SETD1A: variants seen among roughly 807,000 people sequenced by gnomAD.
SETD1A encodes the protein SET domain containing 1A, histone lysine methyltransferase.
In SETD1A, 29 loss-of-function variants were observed where a neutral mutation model predicts 149.9. That is an observed-to-expected ratio of 0.19 (90% confidence interval 0.14 to 0.26). SETD1A has a LOEUF of 0.26. Among genes scored for constraint, SETD1A ranks in the 10% least tolerant of loss-of-function variants. The probability of loss-of-function intolerance (pLI) is 1.00; values close to 1 mark genes in which losing one functional copy is unlikely to be tolerated. For synonymous variants in SETD1A, 1,141 were observed against 968.5 expected (o/e 1.18, Z -3.31); for missense variants, 2,109 against 2,353.1 (o/e 0.90, Z 2.15).
intron 11 of SETD1A, 49 bp downstream of exon 11, chr16:30,969,511 A>G (rs1322119653): frequency 1.3e-6 from 2 of 1,599,838 alleles, no homozygotes; most frequent in East Asian, 2.3e-5. Context: ...TCCCATAGCC[A>G]GCATCTTTGT....
chr16:30,978,291 AGAT>A (rs1567361763), intron 13 of SETD1A, among the ~76,000 whole-genome samples: 1 of 150,856 alleles, frequency 6.6e-6, no homozygotes, highest in South Asian at 2.1e-4. Context: ...AAAAAAAAAA[AGAT>A]AGGAACCTCT....
chr16:30,978,942 C>T (rs555367178), intron 13 of SETD1A, among the ~76,000 whole-genome samples: 9 of 152,316 alleles, frequency 5.9e-5, no homozygotes, highest in South Asian at 4.1e-4. Context: ...CGTGTCACAG[C>T]GGGAACGAAT....
Position 30,964,985 on chromosome 16 carries a change from C to G in SETD1A, c.1243C>G (p.Pro415Ala), listed in dbSNP as rs777918058. The change falls in exon 7 of 19, where the codon CCC becomes GCC. Residue 415 changes from proline (P) to alanine (A), a missense_variant. This residue lies in a region of SETD1A where 410 missense variants were observed against 394.8 expected (regional missense o/e 1.04). Coordinates refer to ENST00000262519, the MANE Select transcript of SETD1A (RefSeq NM_014712.3). ...FPPSYTSYLP[P>A]EPSRPTDQDY... ...ACCTTCTTACACCTCCTACCTGCCCCCCGAGCCCAGCCGGCCCACCGACCA... is the reference window on the plus strand; with the variant it reads ...ACCTTCTTACACCTCCTACCTGCCCGCCGAGCCCAGCCGGCCCACCGACCA... 3 of 1,614,054 alleles carry G rather than the reference C, an allele frequency of 1.9e-6. No individual in the cohort carries two copies. Among genetic ancestry groups the G allele is most frequent in the Admixed American group, 3.3e-5 (2 of 60,028 alleles).
chr16:30,973,775 C>T (rs2056253113), intron 13 of SETD1A, among the ~76,000 whole-genome samples: 1 of 152,118 alleles, frequency 6.6e-6, no homozygotes, highest in Admixed American at 6.6e-5. Flanking sequence ...CCCTGGTGCA[C>T]TCTACTAAGC....
In SETD1A at chr16:30,979,963, A is replaced by T; in HGVS notation, c.4177A>T (p.Ser1393Cys). Reference protein sequence around the residue: ...SDGEGALRRRSLRSHARRRRP... With the variant: ...SDGEGALRRRCLRSHARRRRP... ...TGGGGAGGGCGCCCTCCGGAGGCGC[A>T]GCCTCCGCTCCCACGCCCGGCGCCG... The change falls in exon 14 of 19, where the codon AGC becomes TGC. Residue 1393 changes from serine (S) to cysteine (C), a missense_variant. This residue lies in a region of SETD1A where 832 missense variants were observed against 815.6 expected (regional missense o/e 1.02). Coordinates refer to ENST00000262519, the MANE Select transcript of SETD1A (RefSeq NM_014712.3). 1.3e-6 allele frequency: 2 copies of T among 1,529,410 alleles called. No homozygotes were observed. Among genetic ancestry groups the T allele is most frequent in the Non-Finnish European group, 1.8e-6 (2 of 1,141,812 alleles). 94.7% of individuals were successfully genotyped at this position (1,529,410 alleles called of 1,614,324 possible).
In SETD1A at chr16:30,965,339, G is replaced by A; in HGVS notation, c.1597G>A (p.Gly533Arg). The change falls in exon 7 of 19, where the codon GGG becomes AGG. Residue 533 changes from glycine to arginine, a missense_variant. Physicochemically the swap from Gly to Arg is moderately radical, Grantham distance 125. Transcript: ENST00000262519. ...AGATACAGGGAGTGAGGTGCCTTCT[G>A]GGTCAGGGCATGGGCCCTGCACACC... is the stretch of plus-strand genomic sequence containing the variant. Reference protein sequence around the residue: ...ARDTGSEVPSGSGHGPCTPPP... With the variant: ...ARDTGSEVPSRSGHGPCTPPP... 1.2e-6 allele frequency: 2 copies of A among 1,614,186 alleles called. No individual in the cohort carries two copies. Among genetic ancestry groups the A allele is most frequent in the Non-Finnish European group, 1.7e-6 (2 of 1,180,036 alleles).
chr16:30,983,382 C>T lies in SETD1A; in HGVS notation c.4813-253C>T, dbSNP rs2143604123. On this transcript the variant is annotated intron_variant, in intron 17 of 18. Coordinates refer to ENST00000262519, the MANE Select transcript of SETD1A (RefSeq NM_014712.3). This position sits in a 1 kb window ranked among gnomAD's most constrained non-coding sequence, Gnocchi z 6.8. ...GATGCTCGAAGGAGTCAGTGGCTCT[C>T]TTACCCAGTGCAGATTTCCCTGGAG... 6.6e-6 allele frequency among the ~76,000 whole-genome samples: 1 copy of T among 152,340 alleles called. No individual in the cohort carries two copies. The highest frequency in any genetic ancestry group is 3.4e-3 in the Middle Eastern group (1 of 294).
chr16:30,961,332 C>T lies in SETD1A; in HGVS notation c.312C>T (p.Asn104=), dbSNP rs1481550077. 7 of 1,613,994 alleles carry T rather than the reference C, an allele frequency of 4.3e-6. No homozygotes were observed. The highest frequency in any genetic ancestry group is 2.2e-5 in the South Asian group (2 of 91,082). ...KEVTFARLND[N]VRETFLKDMC... ...TGACTTTTGCAAGGCTGAATGACAA[C>T]GTGCGGGAGACCTTCCTGAAGGATA... The change falls in exon 4 of 19, where the codon AAC becomes AAT. Residue 104 remains asparagine, a synonymous_variant. Coordinates refer to ENST00000262519, the MANE Select transcript of SETD1A (RefSeq NM_014712.3). This position sits in a 1 kb window ranked among gnomAD's most constrained non-coding sequence, Gnocchi z 4.0.
Position 30,980,001 on chromosome 16 carries a change from C to G in SETD1A, c.4215C>G (p.Pro1405=), listed in dbSNP as rs555238010. Residue 1405 remains proline (P), a synonymous_variant, in exon 14 of 19, where the codon CCC becomes CCG. Coordinates refer to ENST00000262519, the MANE Select transcript of SETD1A (RefSeq NM_014712.3). The surrounding 1 kb of genome is among the most constrained non-coding windows in gnomAD (Gnocchi z 7.7). ...RSHARRRRPP[P]PPPPPPPRAY... Reference sequence around the variant, plus strand: ...ACGCCCGGCGCCGCCGCCCTCCGCCCCCACCCCCGCCGCCACCGCCCCGCG... The same window carrying G: ...ACGCCCGGCGCCGCCGCCCTCCGCCGCCACCCCCGCCGCCACCGCCCCGCG... 1.3e-6 allele frequency: 2 copies of G among 1,482,102 alleles called. No individual in the cohort carries two copies. Among genetic ancestry groups the G allele is most frequent in the South Asian group, 1.3e-5 (1 of 76,870 alleles). 91.8% of individuals were successfully genotyped at this position (1,482,102 alleles called of 1,614,324 possible). A position where few individuals can be genotyped will look rare whatever the true frequency, so the allele number is the denominator to read the frequency against.
In SETD1A at chr16:30,980,082, C is replaced by T; in HGVS notation, c.4296C>T (p.Asn1432=). 1 of 1,598,642 alleles carries T rather than the reference C, an allele frequency of 6.3e-7. No homozygotes were observed. Among genetic ancestry groups the T allele is most frequent in the Non-Finnish European group, 8.5e-7 (1 of 1,170,566 alleles). The change falls in exon 14 of 19, where the codon AAC becomes AAT. Residue 1432 remains asparagine, a synonymous_variant. Coordinates refer to ENST00000262519, the MANE Select transcript of SETD1A (RefSeq NM_014712.3). The surrounding 1 kb of genome is among the most constrained non-coding windows in gnomAD (Gnocchi z 7.7). ...TGACCATCCTGTATGACATTTGGAA[C>T]TCGGGCCTGGACTCAGAGGACATGA... ...EQMTILYDIW[N]SGLDSEDMSY...
At position 30,981,050 on chromosome 16, in the gene SETD1A, C is replaced by T. The variant is rs761500321; in HGVS notation, c.4693-11C>T. 8 of 1,613,834 alleles carry T rather than the reference C, an allele frequency of 5.0e-6. No individual in the cohort carries two copies. The highest frequency in any genetic ancestry group is 6.8e-6 in the Non-Finnish European group (8 of 1,179,876). On this transcript the variant is annotated splice_polypyrimidine_tract_variant and intron_variant, in intron 16 of 18. Coordinates refer to ENST00000262519, the MANE Select transcript of SETD1A (RefSeq NM_014712.3). ...GGTGTCTGGCAGTTGAGTCTCCCTT[C>T]TGCCCCCCAGTTCCGGAAGAAGAAG... is the stretch of plus-strand genomic sequence containing the variant.
In SETD1A at chr16:30,979,981, C is replaced by G. The variant is rs768625606; in HGVS notation, c.4195C>G (p.Arg1399Gly). Residue 1399 changes from arginine to glycine, a missense_variant, in exon 14 of 19, where the codon CGG becomes GGG. By Grantham distance (125) the Arg-to-Gly change is moderately radical (BLOSUM62 -2). Transcript: ENST00000262519. ...LRRRSLRSHARRRRPPPPPPP... is the reference protein window; with the variant it reads ...LRRRSLRSHAGRRRPPPPPPP... ...GAGGCGCAGCCTCCGCTCCCACGCC[C>G]GGCGCCGCCGCCCTCCGCCCCCACC... 6.6e-7 allele frequency: 1 copy of G among 1,510,794 alleles called. No individual in the cohort carries two copies. Among genetic ancestry groups the G allele is most frequent in the East Asian group, 2.6e-5 (1 of 38,572 alleles). The allele number at this position is 1,510,794 out of a possible 1,614,324, so 93.6% of individuals were successfully genotyped here.
At chr16:30,974,178 A>AG (rs1253686737) in intron 13 of SETD1A, among the ~76,000 whole-genome samples, 1 of 152,168 alleles carries the variant, frequency 6.6e-6, no homozygotes, top group African/African-American at 2.4e-5. Flanking sequence ...AAACTTCCCC[A>AG]GGAAAAGAAA....
intron 13 of SETD1A, among the ~76,000 whole-genome samples, chr16:30,978,100 CCTGCTTCTACTAAAAATACAAAACTTAG>C (rs2056308239): frequency 6.6e-6 from 1 of 152,020 alleles, no homozygotes; most frequent in Non-Finnish European, 1.5e-5. Flanking sequence ...ATGGTGAAAC[CCTGCTTCTACTAAAAATACAAAACTTAG>C]CTGGGTGTGG....
chr16:30,968,419 CATATATAT>C (rs57608562), intron 10 of SETD1A, among the ~76,000 whole-genome samples: 2 of 145,370 alleles, frequency 1.4e-5, no homozygotes, highest in Non-Finnish European at 3.0e-5. Context: ...AAAAAAAATA[CATATATAT>C]ATATATATGT....
Position 30,971,662 on chromosome 16 carries a change from G to C in SETD1A, c.3301G>C (p.Ala1101Pro), listed in dbSNP as rs1317596354. 1.9e-6 allele frequency: 3 copies of C among 1,607,866 alleles called. No individual in the cohort carries two copies. Among genetic ancestry groups the C allele is most frequent in the Middle Eastern group, 1.6e-4 (1 of 6,064 alleles). ...GGAGGTGCCAGTGCCGGAAAGGGTT[G>C]CAGGCTCCCCAGTCACACCCCTGCC... is the stretch of plus-strand genomic sequence containing the variant. The part of the protein sequence containing the change: ...PVEVPVPERV[A>P]GSPVTPLPEQ... Residue 1101 changes from alanine (A) to proline (P), a missense_variant, in exon 13 of 19, where the codon GCA (alanine) becomes CCA (proline). By Grantham distance (27) the Ala-to-Pro change is conservative. Transcript: ENST00000262519.
At chr16:30,969,119 C>G (rs2056191734) in intron 10 of SETD1A, among the ~76,000 whole-genome samples, 186 bp from the exon 11 acceptor site, 1 of 152,136 alleles carries the variant, frequency 6.6e-6, no homozygotes, top group Admixed American at 6.6e-5. Context: ...AAAACAAAAA[C>G]AAATACAAAA....
chr16:30,970,738 C>A (rs1021244705), intron 12 of SETD1A, among the ~76,000 whole-genome samples: 1 of 152,180 alleles, frequency 6.6e-6, no homozygotes, highest in African/African-American at 2.4e-5. Flanking sequence ...GGGTGTCCCC[C>A]CAGGCCAACA....
chr16:30,980,407 G>A lies in SETD1A; in HGVS notation c.4409-78G>A, dbSNP rs1399398662. ...TGTCCCTCACCTGGGTATGCTCAGC[G>A]GCGTGGGCCCCGCCCTCTCCTTTGG... is the stretch of plus-strand genomic sequence containing the variant. On this transcript the variant is annotated intron_variant, in intron 14 of 18. Transcript: ENST00000262519. The surrounding 1 kb of genome is among the most constrained non-coding windows in gnomAD (Gnocchi z 7.7). 3.3e-6 allele frequency: 5 copies of A among 1,529,286 alleles called. No individual in the cohort carries two copies. The Admixed American group carries it at 5.9e-5, about 18-fold the overall frequency. The allele number at this position is 1,529,286 out of a possible 1,614,324, so 94.7% of individuals were successfully genotyped here.
Sources: allele counts gnomAD v4.1 joint callset (sites outside exome capture counted in the v4.1 genomes callset), GRCh38; gene constraint gnomAD v4.1.1; regional missense constraint gnomAD v4.1.1; non-coding constraint Gnocchi (gnomAD v3.1); transcripts MANE v1.5; gene names NCBI Gene and HGNC (gene_info 2026-07-23, HGNC 2026-07-21).